The following LARP1B variants were observed in gnomAD, a reference collection of about 807,000 sequenced individuals.
LARP1B encodes the protein La ribonucleoprotein 1B, also known as la-related protein 1B.
A neutral mutation model predicts 114.2 loss-of-function variants in LARP1B; 76 were observed. The observed-to-expected ratio is 0.67, with a 90% CI of 0.55 to 0.81. LARP1B has a LOEUF of 0.81. Ranked by LOEUF, LARP1B falls within the 30% of genes least tolerant of loss-of-function variation. The pLI, the probability that LARP1B is intolerant of heterozygous loss-of-function variation, is 0.00. For missense variants in LARP1B, 1,014 were observed against 1,075.8 expected (o/e 0.94, Z 0.80); for synonymous variants, 345 against 348.0 (o/e 0.99, Z 0.10).
chr4:128,065,331 C>CCTTTTCTTTTCTTTTCTTTTCT (rs748006689), intron 1 of LARP1B, among the ~76,000 whole-genome samples: 1 of 73,240 alleles, frequency 1.4e-5, no homozygotes, highest in African/African-American at 4.7e-5. Flanking sequence ...CTCTCTCTCT[C>CCTTTTCTTTTCTTTTCTTTTCT]TTTCCTTTCT....
intron 11 of LARP1B, among the ~76,000 whole-genome samples, chr4:128,132,331 GTC>G (rs1465519109): frequency 5.3e-5 from 8 of 152,036 alleles, no homozygotes; most frequent in African/African-American, 1.9e-4. Flanking sequence ...TGCAACCTCT[GTC>G]TCTCGGGTTC....
At chr4:128,200,882 A>G (rs1244829400) in intron 17 of LARP1B, among the ~76,000 whole-genome samples, 2 of 152,236 alleles carry the variant, frequency 1.3e-5, no homozygotes, top group Non-Finnish European at 2.9e-5. Context: ...CCAAAACTCC[A>G]TAGGTTAAAA....
chr4:128,205,265 T>G (rs1222040520), intron 17 of LARP1B, among the ~76,000 whole-genome samples: 6 of 152,214 alleles, frequency 3.9e-5, no homozygotes, highest in African/African-American at 1.4e-4. Flanking sequence ...CAGTTAATAT[T>G]ATGTTAGCAG....
At chr4:128,219,340 G>A (rs1759793033) in intron 6 of LARP1B, among the ~76,000 whole-genome samples, 2 of 93,198 alleles carry the variant, frequency 2.1e-5, no homozygotes, top group African/African-American at 8.5e-5. Context: ...AAAGACACAT[G>A]CACACGTATG....
intron 10 of LARP1B, among the ~76,000 whole-genome samples, chr4:128,115,468 G>GACAGCCTCCTGAGTA (rs1396234337): frequency 1.3e-5 from 2 of 152,106 alleles, no homozygotes; most frequent in Non-Finnish European, 2.9e-5. Context: ...CTACTCAGGA[G>GACAGCCTCCTGAGTA]GCTGAGACAG....
chr4:128,115,075 T>C (rs1785338704), intron 10 of LARP1B, among the ~76,000 whole-genome samples: 1 of 151,994 alleles, frequency 6.6e-6, no homozygotes, highest in Non-Finnish European at 1.5e-5. Context: ...GTAGCTGGGA[T>C]TATAGGCGCG....
At chr4:128,077,565 C>T (rs181544292) in intron 3 of LARP1B, among the ~76,000 whole-genome samples, 2 of 134,694 alleles carry the variant, frequency 1.5e-5, no homozygotes, top group East Asian at 4.6e-4. Context: ...TTTGAAAGTT[C>T]ATATGTATTT....
chr4:128,083,794 G>C (rs1455082304), intron 5 of LARP1B, among the ~76,000 whole-genome samples: 1 of 148,776 alleles, frequency 6.7e-6, no homozygotes, highest in Admixed American at 6.6e-5. Context: ...CTGGCCGGGC[G>C]GGGGGCTGAC....
chr4:128,084,419 T>A (rs976254007), intron 5 of LARP1B, among the ~76,000 whole-genome samples: 2 of 152,224 alleles, frequency 1.3e-5, no homozygotes, highest in African/African-American at 2.4e-5. Flanking sequence ...GGTTAGGAGC[T>A]GGAGACCAGC....
At chr4:128,107,392 A>T in intron 9 of LARP1B, 79 bp downstream of exon 9, 1 of 1,542,716 alleles carries the variant, frequency 6.5e-7, no homozygotes. Context: ...ATTTATTTTC[A>T]GTTTATTTAG....
At chr4:128,098,508 C>T (rs542068566) in intron 8 of LARP1B, among the ~76,000 whole-genome samples, 178 bp downstream of exon 8, 1 of 151,450 alleles carries the variant, frequency 6.6e-6, no homozygotes, top group Non-Finnish European at 1.5e-5. Flanking sequence ...CCTTGGAAAC[C>T]CCTGAAAGTA....
intron 8 of LARP1B, among the ~76,000 whole-genome samples, chr4:128,102,947 T>G (rs1474368702): frequency 6.6e-6 from 1 of 152,232 alleles, no homozygotes; most frequent in Non-Finnish European, 1.5e-5. Context: ...CTCTTTTCTT[T>G]TTATCTCCAG....
chr4:128,108,719 T>C (rs563654828), intron 9 of LARP1B: 4 of 985,094 alleles, frequency 4.1e-6, no homozygotes, highest in East Asian at 1.1e-4. Flanking sequence ...ATTTATGATA[T>C]CAACTTGGGT....
At chr4:128,068,467 T>C (rs1432866131) in intron 1 of LARP1B, among the ~76,000 whole-genome samples, 1 of 152,050 alleles carries the variant, frequency 6.6e-6, no homozygotes, top group Non-Finnish European at 1.5e-5. Context: ...ACTACAGGCA[T>C]GTGCCACCAT....
Position 128,094,066 on chromosome 4 carries a change from C to G in LARP1B, c.668+2554C>G, listed in dbSNP as rs181364532. 3.8e-3 allele frequency among the ~76,000 whole-genome samples: 563 copies of G among 148,068 alleles called. 2 individuals carry two copies. The highest frequency in any genetic ancestry group is 9.9e-3 in the African/African-American group (397 of 40,100). On this transcript the variant is annotated intron_variant, in intron 7 of 19. Coordinates refer to ENST00000326639, the MANE Select transcript of LARP1B (RefSeq NM_018078.4). ...TTTATTGCAGTCTACTTTTTTTTAA[C>G]TTTTTAAAAATTTTTTTGAGATGCT...
At chr4:128,172,818 C>T (rs1744356761) in intron 12 of LARP1B, among the ~76,000 whole-genome samples, 1 of 151,900 alleles carries the variant, frequency 6.6e-6, no homozygotes. Context: ...CACTAATGCT[C>T]TGTTTTGTTG....
In LARP1B at chr4:128,206,465, G is replaced by T. The variant is rs748968127; in HGVS notation, c.2347G>T (p.Gly783Ter). The change falls in exon 18 of 20, where the codon GGA (glycine) becomes TGA (stop). Residue 783 changes from glycine to a stop codon, truncating the protein, a stop_gained. Transcript: ENST00000326639. LOFTEE classifies it high-confidence loss of function. ...ATGTCTGTTCAGGTTTTATAGTTATGGACTGGAAAAAAAATTCAGGCGAGA... is the reference window on the plus strand; with the variant it reads ...ATGTCTGTTCAGGTTTTATAGTTATTGACTGGAAAAAAAATTCAGGCGAGA... The part of the protein sequence containing the change: ...LECLFRFYSY[G>*]LEKKFRREIF... The T allele has an allele frequency of 2.5e-6, 4 of 1,612,236 alleles. No homozygotes were observed. Among genetic ancestry groups the T allele is most frequent in the Non-Finnish European group, 3.4e-6 (4 of 1,179,314 alleles).
intron 15 of LARP1B, among the ~76,000 whole-genome samples, chr4:128,196,770 A>G (rs1422219200): frequency 6.6e-6 from 1 of 152,146 alleles, no homozygotes; most frequent in Non-Finnish European, 1.5e-5. Context: ...CATGATAGCC[A>G]AAAAGTGGGA....
intron 1 of LARP1B, among the ~76,000 whole-genome samples, chr4:128,073,473 A>G (rs1279558133): frequency 1.5e-5 from 2 of 137,584 alleles, no homozygotes; most frequent in Non-Finnish European, 3.1e-5. Flanking sequence ...ATACTACCTC[A>G]TACTCTTACC....
Sources: allele counts gnomAD v4.1 joint callset (sites outside exome capture counted in the v4.1 genomes callset), GRCh38; gene constraint gnomAD v4.1.1; transcripts MANE v1.5; gene names NCBI Gene and HGNC (gene_info 2026-07-23, HGNC 2026-07-21).